KIF21A: variants seen among roughly 807,000 people sequenced by gnomAD.
KIF21A encodes the protein kinesin family member 21A.
Under a neutral mutation model 202.9 loss-of-function variants are expected in KIF21A, and 114 were observed. The observed-to-expected ratio is 0.56, with a 90% CI of 0.48 to 0.66. KIF21A has a LOEUF of 0.66. Among genes scored for constraint, KIF21A ranks in the 30% least tolerant of loss-of-function variants. KIF21A has a pLI of 0.00. For missense variants in KIF21A, 1,677 were observed against 1,994.9 expected, an observed-to-expected ratio of 0.84 and a Z score of 3.04; for synonymous variants, 667 against 670.8, an observed-to-expected ratio of 0.99 and a Z score of 0.09.
chr12:39,402,732 C>T (rs545623325), intron 1 of KIF21A, among the ~76,000 whole-genome samples: 18 of 152,206 alleles, frequency 1.2e-4, no homozygotes, highest in African/African-American at 4.3e-4. Flanking sequence ...TTTCTTAAAA[C>T]ATTATTAGTT....
chr12:39,340,254 C>G lies in KIF21A; in HGVS notation c.2221G>C (p.Glu741Gln). 6.2e-7 allele frequency: 1 copy of G among 1,613,130 alleles called. No individual in the cohort carries two copies. Among genetic ancestry groups the G allele is most frequent in the Non-Finnish European group, 8.5e-7 (1 of 1,179,584 alleles). The change falls in exon 16 of 38, where the codon GAA (glutamate) becomes CAA (glutamine). Residue 741 changes from glutamate (E) to glutamine (Q), a missense_variant. By Grantham distance (29) the Glu-to-Gln change is conservative (BLOSUM62 2). Around this residue, in one of 3 missense-constraint regions of KIF21A, gnomAD observed 966 missense variants for 1,180.9 expected, o/e 0.82. Transcript: ENST00000361418. Reference protein sequence around the residue: ...ELQRLQAAQKEHARLLKNQSQ... With the variant: ...ELQRLQAAQKQHARLLKNQSQ... ...TGATTTTTAAGCAACCTTGCATGTTCTTTTTGAGCTGCTTGAAGTCTCTGC... is the reference window on the plus strand; with the variant it reads ...TGATTTTTAAGCAACCTTGCATGTTGTTTTTGAGCTGCTTGAAGTCTCTGC...
intron 1 of KIF21A, among the ~76,000 whole-genome samples, chr12:39,402,331 T>C (rs1332105309): frequency 6.6e-6 from 1 of 152,104 alleles, no homozygotes; most frequent in Non-Finnish European, 1.5e-5. Context: ...AAAGCCATAA[T>C]GGTAGTTTAA....
At chr12:39,438,905 T>C (rs1435231908) in intron 1 of KIF21A, among the ~76,000 whole-genome samples, 1 of 152,198 alleles carries the variant, frequency 6.6e-6, no homozygotes, top group African/African-American at 2.4e-5. Flanking sequence ...TTGAGTTAAC[T>C]GTTTGGTTCA....
In KIF21A at chr12:39,441,617, A is replaced by T. The variant is rs2095610624; in HGVS notation, c.44+1310T>A. 4.1e-5 allele frequency among the ~76,000 whole-genome samples: 6 copies of T among 146,482 alleles called. No homozygotes were observed. The Admixed American group carries it at 4.2e-4, about 10-fold the overall frequency. ...ATTAAAACTTCAAAAGCCTTATAACAGGTGATTCTAACCAGTCATAAAACT... is the reference window on the plus strand; with the variant it reads ...ATTAAAACTTCAAAAGCCTTATAACTGGTGATTCTAACCAGTCATAAAACT... On this transcript the variant is annotated intron_variant, in intron 1 of 37. Coordinates refer to ENST00000361418, the MANE Select transcript of KIF21A (RefSeq NM_001173464.2).
At chr12:39,365,244 A>C (rs2139065227) in intron 6 of KIF21A, among the ~76,000 whole-genome samples, 1 of 152,340 alleles carries the variant, frequency 6.6e-6, no homozygotes, top group South Asian at 2.1e-4. Flanking sequence ...ATAAAACTCC[A>C]GTCTTCCATT....
At chr12:39,304,790 AAATATAATTC>A (rs1229310706) in intron 35 of KIF21A, 21 bp downstream of exon 35, 5 of 1,091,800 alleles carry the variant, frequency 4.6e-6, no homozygotes, top group Non-Finnish European at 7.1e-6. Context: ...TTTAATAGAC[AAATATAATTC>A]AGAAAGTCTC....
chr12:39,436,014 C>A (rs1012121005), intron 1 of KIF21A, among the ~76,000 whole-genome samples: 5 of 152,110 alleles, frequency 3.3e-5, no homozygotes, highest in Admixed American at 6.6e-5. Flanking sequence ...TCTACCCCTG[C>A]GGTTCCTCTC....
intron 1 of KIF21A, among the ~76,000 whole-genome samples, chr12:39,415,620 C>T (rs1953515486): frequency 2.0e-5 from 3 of 152,128 alleles, no homozygotes. Flanking sequence ...TTTCCATGAC[C>T]TCATCTTCCA....
chr12:39,357,983 A>G (rs930592651), intron 8 of KIF21A, among the ~76,000 whole-genome samples, 195 bp downstream of exon 8: 1 of 148,658 alleles, frequency 6.7e-6, no homozygotes, highest in Non-Finnish European at 1.5e-5. Context: ...TTGAACAAAC[A>G]GTTGTTAAGT....
intron 6 of KIF21A, among the ~76,000 whole-genome samples, chr12:39,364,534 G>A (rs1423442661): frequency 6.6e-6 from 1 of 152,138 alleles, no homozygotes; most frequent in Non-Finnish European, 1.5e-5. Context: ...GGAGTTGGAA[G>A]GTCTGGCTCT....
At chr12:39,296,071 C>CTTT (rs34130884) in intron 37 of KIF21A, among the ~76,000 whole-genome samples, 1 of 109,462 alleles carries the variant, frequency 9.1e-6, no homozygotes, top group South Asian at 3.2e-4. Context: ...TTGGGATACG[C>CTTT]TTTTTTTTTT....
Position 39,337,080 on chromosome 12 carries a change from G to A in KIF21A, c.2418+16C>T. ...GTACAATTTTCTTATATAACTGAGA[G>A]TTAAAATCCACTTACATCTCTTTTA... is the stretch of plus-strand genomic sequence containing the variant. On this transcript the variant is annotated intron_variant, in intron 17 of 37. Transcript: ENST00000361418. 2 of 1,513,230 alleles carry A rather than the reference G, an allele frequency of 1.3e-6. No individual in the cohort carries two copies. Among genetic ancestry groups the A allele is most frequent in the Non-Finnish European group, 1.8e-6 (2 of 1,091,312 alleles). 93.7% of individuals were successfully genotyped at this position (1,513,230 alleles called of 1,614,324 possible). A position where few individuals can be genotyped will look rare whatever the true frequency, so the allele number is the denominator to read the frequency against.
At chr12:39,389,191 C>G (rs1261822618) in intron 1 of KIF21A, among the ~76,000 whole-genome samples, 7 of 151,600 alleles carry the variant, frequency 4.6e-5, no homozygotes, top group Non-Finnish European at 1.0e-4. Context: ...CACACACACA[C>G]ACACACACAC....
At position 39,337,804 on chromosome 12, in the gene KIF21A, C is replaced by T. The variant is rs573155342; in HGVS notation, c.2311-601G>A. 3.3e-5 allele frequency among the ~76,000 whole-genome samples: 5 copies of T among 152,236 alleles called. No individual in the cohort carries two copies. The East Asian group carries it at 9.6e-4, about 29-fold the overall frequency. On this transcript the variant is annotated intron_variant, in intron 16 of 37. Transcript: ENST00000361418. ...AGTGGAGCTAAAAAATTCCTATTGC[C>T]TAGTGATGTAATAATGTCATAACAT... is the stretch of plus-strand genomic sequence containing the variant.
chr12:39,404,178 C>G (rs1952399367), intron 1 of KIF21A, among the ~76,000 whole-genome samples: 1 of 152,176 alleles, frequency 6.6e-6, no homozygotes, highest in Non-Finnish European at 1.5e-5. Context: ...CCTCCAAGTG[C>G]ACTGCTGCCT....
At chr12:39,438,666 A>G (rs570147199) in intron 1 of KIF21A, among the ~76,000 whole-genome samples, 1 of 152,324 alleles carries the variant, frequency 6.6e-6, no homozygotes, top group East Asian at 1.9e-4. Flanking sequence ...TCTCTGATAA[A>G]GCCAGGCAAG....
At chr12:39,343,880 T>C (rs1019310569) in intron 12 of KIF21A, among the ~76,000 whole-genome samples, 1 of 152,216 alleles carries the variant, frequency 6.6e-6, no homozygotes, top group Non-Finnish European at 1.5e-5. Flanking sequence ...CCTGTGACTA[T>C]GCATGAGCAC....
chr12:39,312,236 T>A (rs371797280), intron 31 of KIF21A: 1 of 152,168 alleles, frequency 6.6e-6, no homozygotes, highest in African/African-American at 2.4e-5. Flanking sequence ...TAGATAGAAC[T>A]GGAGATCATT....
At chr12:39,333,494 G>C (rs949090651) in intron 17 of KIF21A, among the ~76,000 whole-genome samples, 1 of 152,038 alleles carries the variant, frequency 6.6e-6, no homozygotes, top group East Asian at 1.9e-4. Context: ...TTGAAAAAAT[G>C]AAAGGTTATC....
Sources: allele counts gnomAD v4.1 joint callset (sites outside exome capture counted in the v4.1 genomes callset), GRCh38; gene constraint gnomAD v4.1.1; regional missense constraint gnomAD v4.1.1; transcripts MANE v1.5; gene names NCBI Gene and HGNC (gene_info 2026-07-23, HGNC 2026-07-21).